Variants in ZZZ3 observed in about 807,000 individuals in gnomAD.
ZZZ3 encodes the protein zinc finger ZZ-type containing 3.
A neutral mutation model predicts 95.2 loss-of-function variants in ZZZ3; 22 were observed. The observed-to-expected ratio is 0.23, with a 90% CI of 0.17 to 0.33. The LOEUF is 0.33. ZZZ3 is among the 10% of genes least tolerant of loss of function. The probability of loss-of-function intolerance (pLI) is 1.00; values close to 1 mark genes in which losing one functional copy is unlikely to be tolerated. For synonymous variants in ZZZ3, 335 were observed against 358.9 expected, an observed-to-expected ratio of 0.93 and a Z score of 0.75; for missense variants, 885 against 1,066.5, an observed-to-expected ratio of 0.83 and a Z score of 2.37.
intron 1 of ZZZ3, among the ~76,000 whole-genome samples, chr1:77,648,057 C>T (rs148439965): frequency 4.6e-5 from 7 of 152,156 alleles, no homozygotes; most frequent in Middle Eastern, 3.4e-3. Flanking sequence ...GCCTGGAATC[C>T]AATCAGAAAT....
intron 5 of ZZZ3, among the ~76,000 whole-genome samples, chr1:77,626,058 C>T (rs762487497): frequency 3.3e-5 from 5 of 151,972 alleles, no homozygotes; most frequent in Admixed American, 6.6e-5. Flanking sequence ...ACTTGGATTA[C>T]AGCAGAGAAT....
At chr1:77,591,203 A>T (rs1663658664) in intron 5 of ZZZ3, among the ~76,000 whole-genome samples, 1 of 152,228 alleles carries the variant, frequency 6.6e-6, no homozygotes, top group South Asian at 2.1e-4. Flanking sequence ...TTAGTGAAAT[A>T]AGAGCTGTAT....
Position 77,566,185 on chromosome 1 carries a change from T to C in ZZZ3, c.2467-4A>G, listed in dbSNP as rs781585246. On this transcript the variant is annotated splice_region_variant and splice_polypyrimidine_tract_variant and intron_variant, in intron 13 of 14. Coordinates refer to ENST00000370801, the MANE Select transcript of ZZZ3 (RefSeq NM_015534.6). ...GTTCTATGCCACAGTTATCACACTA[T>C]AACAGATTCAGAGAGAAAATGTATT... The C allele has an allele frequency of 3.1e-6, 5 of 1,596,394 alleles. No homozygotes were observed. Among genetic ancestry groups the C allele is most frequent in the Non-Finnish European group, 4.3e-6 (5 of 1,168,792 alleles).
chr1:77,653,487 C>G (rs902016879), intron 1 of ZZZ3, among the ~76,000 whole-genome samples: 5 of 152,204 alleles, frequency 3.3e-5, no homozygotes, highest in Non-Finnish European at 7.3e-5. Context: ...GGCGCGATGG[C>G]TCACGCCTGT....
chr1:77,657,855 T>C lies in ZZZ3; in HGVS notation c.-402-16200A>G, dbSNP rs149332242. ...ACATCCACAATATAAAGTACAAATA[T>C]AGCTTACCCCATTTCAACAACCACT... On this transcript the variant is annotated intron_variant, in intron 1 of 14. Coordinates refer to ENST00000370801, the MANE Select transcript of ZZZ3 (RefSeq NM_015534.6). 2.4e-4 allele frequency among the ~76,000 whole-genome samples: 36 copies of C among 152,276 alleles called. 2 individuals are homozygous for C. The East Asian group carries it at 6.4e-3, about 27-fold the overall frequency.
At chr1:77,639,633 T>C in intron 3 of ZZZ3, 31 bp from the exon 4 acceptor site, 1 of 437,022 alleles carries the variant, frequency 2.3e-6, no homozygotes, top group Non-Finnish European at 3.9e-6. Context: ...AAAAAAGGAT[T>C]AAAGAAGATG....
At chr1:77,628,478 G>A (rs1162341652) in intron 5 of ZZZ3, among the ~76,000 whole-genome samples, 6 of 152,194 alleles carry the variant, frequency 3.9e-5, no homozygotes, top group African/African-American at 1.4e-4. Flanking sequence ...GGCATCTAGA[G>A]AGGCATCAAG....
At chr1:77,590,133 G>T (rs1478841081) in intron 5 of ZZZ3, among the ~76,000 whole-genome samples, 2 of 152,226 alleles carry the variant, frequency 1.3e-5, no homozygotes, top group Non-Finnish European at 2.9e-5. Flanking sequence ...AGCACTTTGG[G>T]AGGCCAAGGC....
At chr1:77,613,148 A>C (rs1415409348) in intron 5 of ZZZ3, among the ~76,000 whole-genome samples, 2 of 152,084 alleles carry the variant, frequency 1.3e-5, no homozygotes, top group Non-Finnish European at 2.9e-5. Flanking sequence ...TGCCTTCAGT[A>C]AATCATTTAA....
At chr1:77,638,576 C>T (rs2100885350) in intron 4 of ZZZ3, among the ~76,000 whole-genome samples, 1 of 152,284 alleles carries the variant, frequency 6.6e-6, no homozygotes, top group East Asian at 1.9e-4. Context: ...ACTATAATCA[C>T]CAAAGTGGTA....
chr1:77,651,548 C>CA (rs1198049353), intron 1 of ZZZ3, among the ~76,000 whole-genome samples: 1 of 151,816 alleles, frequency 6.6e-6, no homozygotes, highest in Non-Finnish European at 1.5e-5. Flanking sequence ...TTAATAAAAA[C>CA]AAAAAACAGA....
chr1:77,623,272 G>A (rs1667047962), intron 5 of ZZZ3, among the ~76,000 whole-genome samples: 1 of 152,158 alleles, frequency 6.6e-6, no homozygotes, highest in Non-Finnish European at 1.5e-5. Context: ...GCTAGAATTT[G>A]TGGGACGGAG....
chr1:77,676,318 C>A (rs904226963), intron 1 of ZZZ3, among the ~76,000 whole-genome samples: 4 of 152,222 alleles, frequency 2.6e-5, no homozygotes, highest in African/African-American at 9.7e-5. Context: ...AGGCGCACGC[C>A]ACCACACCAG....
At chr1:77,656,125 C>G (rs577426208) in intron 1 of ZZZ3, among the ~76,000 whole-genome samples, 1 of 152,288 alleles carries the variant, frequency 6.6e-6, no homozygotes, top group African/African-American at 2.4e-5. Context: ...AAATGTTTCC[C>G]TTTCATCAAC....
intron 1 of ZZZ3, among the ~76,000 whole-genome samples, chr1:77,647,062 C>A (rs1389653393): frequency 6.6e-6 from 1 of 152,126 alleles, no homozygotes; most frequent in East Asian, 1.9e-4. Context: ...CATGTAATAA[C>A]TGAAGGGTAA....
intron 1 of ZZZ3, among the ~76,000 whole-genome samples, chr1:77,659,999 T>C (rs1324729430): frequency 6.6e-6 from 1 of 151,970 alleles, no homozygotes; most frequent in Non-Finnish European, 1.5e-5. Context: ...CACCCAGCTA[T>C]TTTTTAAATT....
Position 77,565,393 on chromosome 1 carries a change from C to T in ZZZ3, c.*247G>A, listed in dbSNP as rs892935829. 7.6e-6 allele frequency: 3 copies of T among 392,532 alleles called. No individual in the cohort carries two copies. The Admixed American group carries it at 1.3e-4, about 17-fold the overall frequency. The allele number at this position is 392,532 out of a possible 1,614,324, so 24.3% of individuals were successfully genotyped here. On this transcript the variant is annotated 3_prime_UTR_variant, in exon 15 of 15. Transcript: ENST00000370801. ...GTTCCATCTCACCCATTTAAGATCA[C>T]CACCTAAAACGCAGTGGTGAAAAAT...
intron 5 of ZZZ3, among the ~76,000 whole-genome samples, chr1:77,605,468 G>A (rs1665139258): frequency 2.0e-5 from 3 of 152,124 alleles, no homozygotes; most frequent in Non-Finnish European, 4.4e-5. Context: ...AGCTGGGCTC[G>A]AAGCCAGGAG....
chr1:77,572,937 C>T (rs965996253), intron 12 of ZZZ3, among the ~76,000 whole-genome samples: 1 of 151,904 alleles, frequency 6.6e-6, no homozygotes, highest in Admixed American at 6.6e-5. Context: ...TGAGCCACCA[C>T]ACCTAGCCAA....
Sources: gnomAD v4.1 joint callset for allele counts (sites outside exome capture counted in the v4.1 genomes callset) on GRCh38, gnomAD v4.1.1 for gene constraint, MANE v1.5 for transcripts, NCBI Gene and HGNC (gene_info 2026-07-23, HGNC 2026-07-21) for gene names.